RET: variants seen among roughly 807,000 people sequenced by gnomAD.
RET encodes the protein ret proto-oncogene.
A neutral mutation model predicts 118.3 loss-of-function variants in RET; 19 were observed. The ratio of observed to expected loss-of-function variants is 0.16; its 90% CI spans 0.11 to 0.24. The LOEUF is 0.24. Ranked by LOEUF, RET falls within the 10% of genes least tolerant of loss-of-function variation. RET has a pLI of 1.00. For synonymous variants in RET, 597 were observed against 644.1 expected (o/e 0.93, Z 1.11); for missense variants, 1,219 against 1,502.1 (o/e 0.81, Z 3.12).
chr10:43,128,679 A>G lies in RET; in HGVS notation c.*410A>G, dbSNP rs1451626475. Reference sequence around the variant, plus strand: ...GCCGCCAAACAAGGCAAAAAAATTTAAACATGAAGCACACACACAAAAAAG... The same window carrying G: ...GCCGCCAAACAAGGCAAAAAAATTTGAACATGAAGCACACACACAAAAAAG... On this transcript the variant is annotated 3_prime_UTR_variant, in exon 20 of 20. Transcript: ENST00000355710. 7.6e-6 allele frequency: 3 copies of G among 395,240 alleles called. No individual in the cohort carries two copies. The highest frequency in any genetic ancestry group is 2.0e-5 in the African/African-American group (1 of 50,010). The allele number at this position is 395,240 out of a possible 1,614,324, so 24.5% of individuals were successfully genotyped here.
At position 43,109,113 on chromosome 10, in the gene RET, G is replaced by A. The variant is rs770637118; in HGVS notation, c.1146G>A (p.Gln382=). 6.2e-7 allele frequency: 1 copy of A among 1,613,902 alleles called. No homozygotes were observed. The highest frequency in any genetic ancestry group is 1.7e-5 in the Admixed American group (1 of 60,030). ...TGCTGGTCAATGACTCAGACTTCCAGGGCCCAGGAGCGGGCGTCCTCTTGC... is the reference window on the plus strand; with the variant it reads ...TGCTGGTCAATGACTCAGACTTCCAAGGCCCAGGAGCGGGCGTCCTCTTGC... ...LAVLVNDSDF[Q]GPGAGVLLLH... is the part of the protein sequence containing the mutation. Residue 382 remains glutamine (Q), a synonymous_variant, in exon 6 of 20, where the codon CAG becomes CAA. Coordinates refer to ENST00000355710, the MANE Select transcript of RET (RefSeq NM_020975.6).
chr10:43,082,854 G>A (rs745674608), intron 1 of RET, among the ~76,000 whole-genome samples: 9 of 152,242 alleles, frequency 5.9e-5, no homozygotes, highest in Non-Finnish European at 1.3e-4. Context: ...GAGGGTGGGT[G>A]AGCTGGAGGT....
rs945693739 is a variant in RET, at chr10:43,126,672, C to A, written c.3137C>A (p.Ala1046Asp). ...EETPLVDCNN[A>D]PLPRALPSTW... ...ACACCGCTGGTGGACTGTAATAATG[C>A]CCCCCTCCCTCGAGCCCTCCCTTCC... The change falls in exon 19 of 20, where the codon GCC becomes GAC. Residue 1046 changes from alanine (A) to aspartate (D), a missense_variant. Ala to Asp is a moderately radical substitution (Grantham distance 126). Coordinates refer to ENST00000355710, the MANE Select transcript of RET (RefSeq NM_020975.6). 1 of 1,613,992 alleles carries A rather than the reference C, an allele frequency of 6.2e-7. No individual in the cohort carries two copies. Among genetic ancestry groups the A allele is most frequent in the Non-Finnish European group, 8.5e-7 (1 of 1,179,976 alleles).
intron 1 of RET, among the ~76,000 whole-genome samples, chr10:43,099,815 G>C (rs547421847): frequency 1.3e-4 from 20 of 152,304 alleles, no homozygotes; most frequent in African/African-American, 4.8e-4. Context: ...GGCATGGTTT[G>C]TGTGTGTGAC....
chr10:43,118,581 C>T, intron 13 of RET, 101 bp downstream of exon 13: 1 of 889,982 alleles, frequency 1.1e-6, no homozygotes, highest in African/African-American at 1.7e-5. Context: ...ACTGCTCCTG[C>T]CCTGTTTCCT....
chr10:43,124,676 C>T (rs1414600534), intron 17 of RET, among the ~76,000 whole-genome samples: 1 of 152,238 alleles, frequency 6.6e-6, no homozygotes, highest in Non-Finnish European at 1.5e-5. Flanking sequence ...GACCTGAGCA[C>T]AGTGGCCCAC....
chr10:43,119,036 C>G (rs960846480), intron 13 of RET, among the ~76,000 whole-genome samples: 1 of 152,172 alleles, frequency 6.6e-6, no homozygotes. Flanking sequence ...ACCCAAACAC[C>G]GGGAGTGCGC....
chr10:43,107,851 CAG>C (rs893173453), intron 5 of RET, among the ~76,000 whole-genome samples: 17 of 152,182 alleles, frequency 1.1e-4, no homozygotes, highest in East Asian at 7.7e-4. Flanking sequence ...TATCTTAAAA[CAG>C]GGGCTTACAG....
In RET at chr10:43,112,244, A is replaced by C; in HGVS notation, c.1648+20A>C. The C allele has an allele frequency of 6.4e-7, 1 of 1,551,290 alleles. No individual in the cohort carries two copies. The highest frequency in any genetic ancestry group is 1.2e-5 in the South Asian group (1 of 84,068). The stretch of plus-strand genomic sequence containing the variant: ...GCAAAGGTAAGCCCTGGAAACGCCC[A>C]AGGGAGGCCTGCAGGGGCGATGGCA... On this transcript the variant is annotated intron_variant, in intron 8 of 19. Transcript: ENST00000355710.
intron 1 of RET, among the ~76,000 whole-genome samples, chr10:43,079,495 A>G (rs962480500): frequency 3.3e-5 from 5 of 152,236 alleles, no homozygotes; most frequent in Admixed American, 2.0e-4. Flanking sequence ...TCATTGCTCA[A>G]CACAGATACA....
chr10:43,114,504 G>T lies in RET; in HGVS notation c.1904G>T (p.Arg635Leu), dbSNP rs776164321. Residue 635 changes from arginine (R) to leucine (L), a missense_variant, in exon 11 of 20, where the codon CGC becomes CTC. Arg to Leu is a moderately radical substitution (Grantham distance 102, BLOSUM62 -2). Coordinates refer to ENST00000355710, the MANE Select transcript of RET (RefSeq NM_020975.6). This position sits in a 1 kb window ranked among gnomAD's most constrained non-coding sequence, Gnocchi z 4.6. ...GATCCACTGTGCGACGAGCTGTGCCGCACGGTGATCGCAGCCGCTGTCCTC... is the reference window on the plus strand; with the variant it reads ...GATCCACTGTGCGACGAGCTGTGCCTCACGGTGATCGCAGCCGCTGTCCTC... Reference protein sequence around the residue: ...IQDPLCDELCRTVIAAAVLFS... With the variant: ...IQDPLCDELCLTVIAAAVLFS... 1 of 1,607,712 alleles carries T rather than the reference G, an allele frequency of 6.2e-7. No homozygotes were observed. The highest frequency in any genetic ancestry group is 8.5e-7 in the Non-Finnish European group (1 of 1,179,938).
At position 43,083,695 on chromosome 10, in the gene RET, G is replaced by C. The variant is rs372480063; in HGVS notation, c.73+6364G>C. On this transcript the variant is annotated intron_variant, in intron 1 of 19. Transcript: ENST00000355710. ...CTACCAGCTCTCCATCCCTTGTCCT[G>C]GTCCACATAGCAGGGGCTCCTGGCG... Among the ~76,000 whole-genome samples, 14 of 152,350 alleles carry C rather than the reference G, an allele frequency of 9.2e-5. No individual in the cohort carries two copies. The East Asian group carries it at 2.5e-3, about 27-fold the overall frequency.
intron 11 of RET, 82 bp from the exon 12 acceptor site, chr10:43,116,502 T>C: frequency 6.4e-7 from 1 of 1,552,090 alleles, no homozygotes; most frequent in East Asian, 2.2e-5. Context: ...TGGGGCCTCC[T>C]TTAAGGGTCT....
At chr10:43,082,908 T>C (rs965090222) in intron 1 of RET, among the ~76,000 whole-genome samples, 2 of 152,280 alleles carry the variant, frequency 1.3e-5, no homozygotes, top group South Asian at 2.1e-4. Flanking sequence ...AGAGGGCTCA[T>C]TGGGTTTCTT....
Position 43,114,311 on chromosome 10 carries a change from G to A in RET, c.1880-169G>A, listed in dbSNP as rs1481408939. 2.0e-5 allele frequency among the ~76,000 whole-genome samples: 3 copies of A among 152,134 alleles called. No individual in the cohort carries two copies. The highest frequency in any genetic ancestry group is 4.4e-5 in the Non-Finnish European group (3 of 68,008). On this transcript the variant is annotated intron_variant, in intron 10 of 19. Transcript: ENST00000355710. This position sits in a 1 kb window ranked among gnomAD's most constrained non-coding sequence, Gnocchi z 4.6. The stretch of plus-strand genomic sequence containing the variant: ...GTCTAGGAGGGGGCAGTAAATGGCA[G>A]TACCCATGCTCGATGGGGTGTTCTC...
chr10:43,113,950 C>T (rs932807058), intron 10 of RET, among the ~76,000 whole-genome samples: 1 of 152,194 alleles, frequency 6.6e-6, no homozygotes, highest in African/African-American at 2.4e-5. Flanking sequence ...TCCCTGTGAC[C>T]ATGCAGCTGG....
intron 7 of RET, among the ~76,000 whole-genome samples, 179 bp from the exon 8 acceptor site, chr10:43,111,920 G>A (rs1837943011): frequency 6.6e-6 from 1 of 152,208 alleles, no homozygotes; most frequent in Admixed American, 6.5e-5. Flanking sequence ...ATGATGTCCT[G>A]TACCCTGCCC....
At chr10:43,103,594 A>G (rs918463351) in intron 3 of RET, among the ~76,000 whole-genome samples, 2 of 152,202 alleles carry the variant, frequency 1.3e-5, no homozygotes, top group African/African-American at 2.4e-5. Context: ...CTAAATTCAC[A>G]CTAACTTTAT....
intron 1 of RET, 125 bp downstream of exon 1, chr10:43,077,456 A>C (rs2132500854): frequency 8.0e-7 from 1 of 1,247,658 alleles, no homozygotes; most frequent in East Asian, 3.4e-5. Flanking sequence ...GTCGCCGGCC[A>C]CCCGGCCTCG....
Sources: gnomAD v4.1 joint callset for allele counts (sites outside exome capture counted in the v4.1 genomes callset) on GRCh38, gnomAD v4.1.1 for gene constraint, Gnocchi (gnomAD v3.1) non-coding constraint, MANE v1.5 for transcripts, NCBI Gene and HGNC (gene_info 2026-07-23, HGNC 2026-07-21) for gene names.